The following ATG10 variants were observed in gnomAD, a reference collection of about 807,000 sequenced individuals.
The protein encoded by ATG10 is autophagy related 10, also known as ubiquitin-like-conjugating enzyme ATG10.
In ATG10, 30 loss-of-function variants were observed where a neutral mutation model predicts 32.1. The ratio of observed to expected loss-of-function variants is 0.94; its 90% CI spans 0.70 to 1.27. ATG10 has a LOEUF of 1.27. Ranked by LOEUF, ATG10 falls within the 50% of genes most tolerant of loss-of-function variation. The pLI is 0.00. For synonymous variants in ATG10, 87 were observed against 91.5 expected, an observed-to-expected ratio of 0.95 and a Z score of 0.28; for missense variants, 233 against 262.3, an observed-to-expected ratio of 0.89 and a Z score of 0.77.
chr5:82,051,425 A>C (rs1763420263), intron 2 of ATG10, among the ~76,000 whole-genome samples: 1 of 152,232 alleles, frequency 6.6e-6, no homozygotes, highest in Non-Finnish European at 1.5e-5. Context: ...AATAAATCCC[A>C]AAATACTGCA....
chr5:81,986,008 C>T (rs1243888381), intron 1 of ATG10, among the ~76,000 whole-genome samples: 1 of 152,150 alleles, frequency 6.6e-6, no homozygotes, highest in Non-Finnish European at 1.5e-5. Context: ...TGTGATCCGC[C>T]TGCCTCGGCC....
chr5:82,003,280 A>G (rs1173590999), intron 2 of ATG10, among the ~76,000 whole-genome samples: 1 of 152,202 alleles, frequency 6.6e-6, no homozygotes, highest in Non-Finnish European at 1.5e-5. Flanking sequence ...CAAACTACAT[A>G]TTTTCTAGCT....
At chr5:82,063,066 C>A (rs1419289961) in intron 3 of ATG10, among the ~76,000 whole-genome samples, 2 of 152,058 alleles carry the variant, frequency 1.3e-5, no homozygotes, top group Non-Finnish European at 2.9e-5. Flanking sequence ...CACCTGTAAT[C>A]CCAGTGCTTC....
In ATG10 at chr5:82,251,690, T is replaced by C. The variant is rs572509469; in HGVS notation, c.454-872T>C. On this transcript the variant is annotated intron_variant, in intron 5 of 7. Transcript: ENST00000282185. ...TTTGCAGTGTTGGTATAATGGTTAA[T>C]CCACAATACAAATAATCAATAAATG... 2.6e-5 allele frequency among the ~76,000 whole-genome samples: 4 copies of C among 152,306 alleles called. No individual in the cohort carries two copies. In the South Asian group the frequency reaches 8.3e-4, roughly 32 times the overall value.
chr5:82,037,701 G>GT (rs1027158474), intron 2 of ATG10, among the ~76,000 whole-genome samples: 1 of 151,990 alleles, frequency 6.6e-6, no homozygotes. Flanking sequence ...TGTCTTATAG[G>GT]TTTTTTCAGA....
intron 2 of ATG10, among the ~76,000 whole-genome samples, chr5:82,017,537 G>A (rs1364363128): frequency 6.6e-6 from 1 of 152,078 alleles, no homozygotes; most frequent in Non-Finnish European, 1.5e-5. Context: ...TGTTGGCTGT[G>A]GGTTTGTCAT....
chr5:82,014,006 C>T (rs557239857), intron 2 of ATG10, among the ~76,000 whole-genome samples: 295 of 152,270 alleles, frequency 1.9e-3, no homozygotes, highest in Non-Finnish European at 3.3e-3. Context: ...TTAAATGTGT[C>T]CCAGAGATTC....
At chr5:82,042,296 A>G (rs1311388256) in intron 2 of ATG10, among the ~76,000 whole-genome samples, 1 of 152,116 alleles carries the variant, frequency 6.6e-6, no homozygotes, top group African/African-American at 2.4e-5. Flanking sequence ...ACACTTTTAA[A>G]CCATCAGATT....
rs1747395758 is a variant in ATG10, at chr5:82,254,680, A to G, written c.*617A>G. ...TTGCAGGTTATTCTTTTCTAGGCCA[A>G]GTACTTCACTTCCATTTGTCTGACA... On this transcript the variant is annotated 3_prime_UTR_variant, in exon 8 of 8. Transcript: ENST00000282185. 1 of 152,192 alleles carries G rather than the reference A, an allele frequency of 6.6e-6. No homozygotes were observed. Among genetic ancestry groups the G allele is most frequent in the Non-Finnish European group, 1.5e-5 (1 of 68,028 alleles). The allele number at this position is 152,192 out of a possible 1,614,324, so 9.4% of individuals were successfully genotyped here. A position where few individuals can be genotyped will look rare whatever the true frequency, so the allele number is the denominator to read the frequency against.
At chr5:82,035,020 C>T (rs1762870163) in intron 2 of ATG10, among the ~76,000 whole-genome samples, 2 of 151,872 alleles carry the variant, frequency 1.3e-5, no homozygotes, top group Admixed American at 1.3e-4. Flanking sequence ...CAAGCGATAC[C>T]CCTGCTTCAG....
chr5:82,049,039 C>T (rs1763315086), intron 2 of ATG10, among the ~76,000 whole-genome samples: 1 of 150,876 alleles, frequency 6.6e-6, no homozygotes, highest in Admixed American at 6.6e-5. Context: ...CCAGCCATCC[C>T]ATTACTGGGT....
At chr5:82,050,622 T>C (rs931273754) in intron 2 of ATG10, among the ~76,000 whole-genome samples, 31 of 151,828 alleles carry the variant, frequency 2.0e-4, no homozygotes, top group Non-Finnish European at 8.8e-5. Context: ...TAATTCTCTG[T>C]ACTATAATAG....
rs374798989 is a variant in ATG10, at chr5:82,241,908, C to T, written c.454-10654C>T. Reference sequence around the variant, plus strand: ...ACCCTCAGGTCATGGAATTGGAACTCCTCCTAGGTACCAGGCAGAAGCATA... The same window carrying T: ...ACCCTCAGGTCATGGAATTGGAACTTCTCCTAGGTACCAGGCAGAAGCATA... On this transcript the variant is annotated intron_variant, in intron 5 of 7. Transcript: ENST00000282185. Among the ~76,000 whole-genome samples the T allele has an allele frequency of 2.0e-4, 31 of 152,148 alleles. No individual in the cohort carries two copies. In the South Asian group the frequency reaches 6.0e-3, roughly 30 times the overall value.
intron 5 of ATG10, among the ~76,000 whole-genome samples, chr5:82,249,893 C>T (rs1747179638): frequency 6.6e-6 from 1 of 152,182 alleles, no homozygotes; most frequent in South Asian, 2.1e-4. Context: ...CTATCCACCT[C>T]TTAGATAAGA....
At chr5:81,983,505 G>A (rs1333165876) in intron 1 of ATG10, among the ~76,000 whole-genome samples, 1 of 141,538 alleles carries the variant, frequency 7.1e-6, no homozygotes, top group Non-Finnish European at 1.5e-5. Flanking sequence ...CTGGCCGGGC[G>A]GGGGGCTGAC....
chr5:82,077,725 A>G (rs1205065911), intron 3 of ATG10, among the ~76,000 whole-genome samples: 2 of 152,240 alleles, frequency 1.3e-5, no homozygotes, highest in Non-Finnish European at 2.9e-5. Flanking sequence ...GACCTTGAAG[A>G]AAGCCAGCAC....
chr5:82,228,217 A>AAG (rs1030125002), intron 5 of ATG10, among the ~76,000 whole-genome samples: 2 of 152,168 alleles, frequency 1.3e-5, no homozygotes, highest in African/African-American at 4.8e-5. Context: ...CAAAAAAAAA[A>AAG]AAAAGTATGT....
intron 4 of ATG10, among the ~76,000 whole-genome samples, chr5:82,167,741 A>G (rs1186181171): frequency 2.0e-5 from 3 of 152,220 alleles, no homozygotes; most frequent in Admixed American, 6.5e-5. Flanking sequence ...TAATTCTTGA[A>G]GGCAGACAGC....
intron 5 of ATG10, among the ~76,000 whole-genome samples, chr5:82,231,034 G>A (rs956401403): frequency 1.3e-5 from 2 of 152,208 alleles, no homozygotes; most frequent in African/African-American, 4.8e-5. Flanking sequence ...AAGCGTTCAT[G>A]AACTTCGTTG....
Sources: allele counts gnomAD v4.1 joint callset (sites outside exome capture counted in the v4.1 genomes callset), GRCh38; gene constraint gnomAD v4.1.1; transcripts MANE v1.5; gene names NCBI Gene and HGNC (gene_info 2026-07-23, HGNC 2026-07-21).